WWOX: variants seen among roughly 807,000 people sequenced by gnomAD.
The protein encoded by WWOX is WW domain containing oxidoreductase.
In WWOX, 69 loss-of-function variants were observed where a neutral mutation model predicts 46.2. That is an observed-to-expected ratio of 1.49 (90% CI 1.23 to 1.82). The LOEUF (loss-of-function observed/expected upper bound fraction) is 1.82, where lower values mean the gene tolerates loss of function less well. WWOX is among the 40% of genes most tolerant of loss of function. The pLI, the probability that WWOX is intolerant of heterozygous loss-of-function variation, is 0.00. For missense variants in WWOX, 919 were observed against 542.6 expected (o/e 1.69, Z -6.89); for synonymous variants, 359 against 202.6 (o/e 1.77, Z -6.56).
At chr16:78,747,649 T>C (rs117821445) in intron 8 of WWOX, among the ~76,000 whole-genome samples, 2,366 of 152,272 alleles carry the variant, frequency 0.016, 33 homozygotes, top group South Asian at 0.03. Flanking sequence ...CTCTGTTTCT[T>C]TTCTTTTGAG....
chr16:78,527,546 A>T (rs1368407737), intron 8 of WWOX, among the ~76,000 whole-genome samples: 1 of 152,126 alleles, frequency 6.6e-6, no homozygotes, highest in Admixed American at 6.5e-5. Context: ...AGACTGCCTC[A>T]GCCAGCCAAA....
At position 78,438,265 on chromosome 16, in the gene WWOX, CCT is replaced by C. The variant is rs2083375648; in HGVS notation, c.1056+5515_1056+5516del. 3.9e-5 allele frequency among the ~76,000 whole-genome samples: 6 copies of C among 152,220 alleles called. No homozygotes were observed. In the South Asian group the frequency reaches 1.2e-3, roughly 32 times the overall value. ...ATTTTGTAATTGAAAAGCACAGAAA[CCT>C]CATGCAGCGTGTTCAAGAAAATGAT... On this transcript the variant is annotated intron_variant, in intron 8 of 8. Transcript: ENST00000566780.
chr16:78,418,114 A>C (rs1311474131), intron 6 of WWOX, among the ~76,000 whole-genome samples: 1 of 152,166 alleles, frequency 6.6e-6, no homozygotes, highest in East Asian at 1.9e-4. Flanking sequence ...TAATCCCAAC[A>C]CTTTGGGAGG....
At chr16:78,896,838 T>A (rs1325620421) in intron 8 of WWOX, 1 of 152,106 alleles carries the variant, frequency 6.6e-6, no homozygotes, top group Non-Finnish European at 1.5e-5. Context: ...TAATTTATGT[T>A]CTATAAAATT....
chr16:79,087,247 C>T (rs543752752), intron 8 of WWOX, among the ~76,000 whole-genome samples: 3 of 152,326 alleles, frequency 2.0e-5, no homozygotes, highest in East Asian at 3.9e-4. Context: ...TGCCTCTCTT[C>T]CCCAGCCAGG....
chr16:78,837,738 T>A (rs2052028461), intron 8 of WWOX, among the ~76,000 whole-genome samples: 1 of 152,208 alleles, frequency 6.6e-6, no homozygotes. Flanking sequence ...TATTTTGACT[T>A]GGTAATTTGT....
At chr16:78,330,605 C>A (rs995310010) in intron 5 of WWOX, among the ~76,000 whole-genome samples, 1 of 152,156 alleles carries the variant, frequency 6.6e-6, no homozygotes, top group Admixed American at 6.5e-5. Flanking sequence ...CCGTGTTGGC[C>A]GGGATGCTCT....
intron 4 of WWOX, among the ~76,000 whole-genome samples, chr16:78,140,886 C>G (rs2033962710): frequency 6.6e-6 from 1 of 152,140 alleles, no homozygotes; most frequent in African/African-American, 2.4e-5. Flanking sequence ...TTGATGCTAT[C>G]CAGATGCATA....
chr16:78,699,554 G>GA (rs895624053), intron 8 of WWOX, among the ~76,000 whole-genome samples: 4 of 152,058 alleles, frequency 2.6e-5, no homozygotes, highest in Non-Finnish European at 5.9e-5. Flanking sequence ...ACCGAAAAAC[G>GA]AAAGAAAAAC....
intron 5 of WWOX, among the ~76,000 whole-genome samples, chr16:78,271,999 C>A (rs1320900916): frequency 5.3e-5 from 8 of 152,202 alleles, no homozygotes; most frequent in Non-Finnish European, 1.2e-4. Context: ...CAGGAGACTA[C>A]AGATAAGTCA....
intron 6 of WWOX, among the ~76,000 whole-genome samples, chr16:78,422,726 T>TACAC (rs1257859904): frequency 1.0e-5 from 1 of 97,738 alleles, no homozygotes; most frequent in African/African-American, 5.1e-5. Flanking sequence ...CACACATATA[T>TACAC]ATATACACAC....
chr16:78,665,156 G>T (rs1256145450), intron 8 of WWOX, among the ~76,000 whole-genome samples: 1 of 152,118 alleles, frequency 6.6e-6, no homozygotes, highest in Non-Finnish European at 1.5e-5. Flanking sequence ...GTGGTGGTCC[G>T]GGTTCCTGGA....
At chr16:78,875,452 A>C (rs2044216519) in intron 8 of WWOX, among the ~76,000 whole-genome samples, 1 of 152,310 alleles carries the variant, frequency 6.6e-6, no homozygotes. Context: ...TGATTAAAAC[A>C]AAAAAATAGC....
At chr16:79,090,436 C>A (rs976022925) in intron 8 of WWOX, among the ~76,000 whole-genome samples, 1 of 152,022 alleles carries the variant, frequency 6.6e-6, no homozygotes, top group Non-Finnish European at 1.5e-5. Flanking sequence ...TGTGCAATAC[C>A]TAGTGATACA....
intron 5 of WWOX, among the ~76,000 whole-genome samples, chr16:78,220,642 C>A (rs2036857856): frequency 6.6e-6 from 1 of 152,086 alleles, no homozygotes; most frequent in African/African-American, 2.4e-5. Flanking sequence ...TTAATGTTGT[C>A]TTGTGTAAGA....
intron 5 of WWOX, among the ~76,000 whole-genome samples, chr16:78,263,405 C>G: frequency 6.6e-6 from 1 of 152,128 alleles, no homozygotes; most frequent in East Asian, 1.9e-4. Flanking sequence ...GATGTGGGGT[C>G]CGGCTCCCCT....
intron 8 of WWOX, among the ~76,000 whole-genome samples, chr16:79,009,994 A>G (rs1007553886): frequency 6.6e-6 from 1 of 152,156 alleles, no homozygotes; most frequent in African/African-American, 2.4e-5. Context: ...GTATCCTAGG[A>G]CTTCAGAAGC....
At chr16:79,155,789 G>GT (rs1243819888) in intron 8 of WWOX, among the ~76,000 whole-genome samples, 50 of 151,502 alleles carry the variant, frequency 3.3e-4, no homozygotes, top group African/African-American at 1.0e-3. Flanking sequence ...AAAAGCCAGA[G>GT]TTTTTTTTTC....
intron 5 of WWOX, among the ~76,000 whole-genome samples, chr16:78,194,018 C>T (rs1281130510): frequency 6.6e-6 from 1 of 151,226 alleles, no homozygotes; most frequent in African/African-American, 2.4e-5. Flanking sequence ...GCTGGGACTA[C>T]AGGCGCCCAC....
Sources: allele counts gnomAD v4.1 joint callset (sites outside exome capture counted in the v4.1 genomes callset), GRCh38; gene constraint gnomAD v4.1.1; transcripts MANE v1.5; gene names NCBI Gene and HGNC (gene_info 2026-07-23, HGNC 2026-07-21).